RBFOX1: variants seen among roughly 807,000 people sequenced by gnomAD.
RBFOX1 encodes RNA binding fox-1 homolog 1, also known as RNA binding protein fox-1 homolog 1.
In RBFOX1, 8 loss-of-function variants were observed where a neutral mutation model predicts 57.7. The ratio of observed to expected loss-of-function variants is 0.14; its 90% CI spans 0.08 to 0.25. The LOEUF is 0.25. RBFOX1 is among the 10% of genes least tolerant of loss of function. The pLI, the probability that RBFOX1 is intolerant of heterozygous loss-of-function variation, is 1.00. For missense variants in RBFOX1, 611 were observed against 548.5 expected, an observed-to-expected ratio of 1.11 and a Z score of -1.14; for synonymous variants, 326 against 222.4, an observed-to-expected ratio of 1.47 and a Z score of -4.15.
At chr16:6,689,135 T>A (rs2059866268) in intron 3 of RBFOX1, among the ~76,000 whole-genome samples, 1 of 152,334 alleles carries the variant, frequency 6.6e-6, no homozygotes, top group East Asian at 1.9e-4. Flanking sequence ...TGATTTATAA[T>A]CCTATGGGTA....
At chr16:6,657,216 CTCCT>C (rs757605994) in intron 3 of RBFOX1, among the ~76,000 whole-genome samples, 2 of 151,582 alleles carry the variant, frequency 1.3e-5, no homozygotes, top group African/African-American at 2.4e-5. Context: ...TCCTTCCTCC[CTCCT>C]TCCTTCCTTC....
intron 3 of RBFOX1, among the ~76,000 whole-genome samples, chr16:5,769,920 A>G (rs562939643): frequency 5.1e-4 from 77 of 152,312 alleles, no homozygotes; most frequent in African/African-American, 1.6e-3. Context: ...GTTGGGGGCA[A>G]GGATACCTTG....
intron 1 of RBFOX1, among the ~76,000 whole-genome samples, chr16:5,316,611 C>A (rs1331144842): frequency 6.6e-6 from 1 of 152,208 alleles, no homozygotes; most frequent in Admixed American, 6.5e-5. Flanking sequence ...TCTGTAAAAA[C>A]TAGAATAAGA....
chr16:6,952,857 C>A (rs1043070612), intron 3 of RBFOX1, among the ~76,000 whole-genome samples: 6 of 152,042 alleles, frequency 3.9e-5, no homozygotes, highest in African/African-American at 1.4e-4. Flanking sequence ...TGCCTGTAAT[C>A]CCAGCTATTG....
At chr16:5,987,353 C>T (rs910182841) in intron 4 of RBFOX1, among the ~76,000 whole-genome samples, 3 of 152,298 alleles carry the variant, frequency 2.0e-5, no homozygotes, top group East Asian at 1.9e-4. Flanking sequence ...ATCCTCTTTC[C>T]AGGATCTTCT....
chr16:6,613,630 A>C (rs1271253817), intron 2 of RBFOX1, among the ~76,000 whole-genome samples: 28 of 152,252 alleles, frequency 1.8e-4, no homozygotes, highest in Admixed American at 1.8e-3. Flanking sequence ...TGTTTTATTC[A>C]GTAGAATAAG....
At chr16:7,063,340 C>T (rs1199107514) in intron 4 of RBFOX1, among the ~76,000 whole-genome samples, 1 of 152,212 alleles carries the variant, frequency 6.6e-6, no homozygotes, top group Non-Finnish European at 1.5e-5. Flanking sequence ...GATAAAGGAT[C>T]TGTATCAGTA....
At chr16:5,391,021 A>T (rs2066394213) in intron 1 of RBFOX1, among the ~76,000 whole-genome samples, 1 of 152,202 alleles carries the variant, frequency 6.6e-6, no homozygotes, top group Non-Finnish European at 1.5e-5. Flanking sequence ...GAGAAGCTCA[A>T]CCAACAGGGT....
At chr16:7,085,126 C>G (rs781778747) in intron 4 of RBFOX1, among the ~76,000 whole-genome samples, 1 of 151,946 alleles carries the variant, frequency 6.6e-6, no homozygotes. Flanking sequence ...TGTGTGTGTA[C>G]TTACATCTCA....
intron 1 of RBFOX1, among the ~76,000 whole-genome samples, chr16:6,309,123 A>G (rs901942925): frequency 1.3e-5 from 2 of 152,040 alleles, no homozygotes; most frequent in African/African-American, 2.4e-5. Context: ...TTTGAATTCA[A>G]TGGCCTGTCT....
At chr16:5,435,639 G>T (rs766535858) in intron 1 of RBFOX1, among the ~76,000 whole-genome samples, 13 of 152,122 alleles carry the variant, frequency 8.5e-5, no homozygotes, top group Non-Finnish European at 1.8e-4. Context: ...GTCACCATAG[G>T]TCCCATGTTT....
In RBFOX1 at chr16:6,875,439, C is replaced by G. The variant is rs143229899; in HGVS notation, c.-15-176618C>G. On this transcript the variant is annotated intron_variant, in intron 3 of 15. Transcript: ENST00000550418. ...TCATTTGCAATGTGTGGCTTCTTCC[C>G]AGGACTCACACAAGATTCGCTGAGA... is the stretch of plus-strand genomic sequence containing the variant. Among the ~76,000 whole-genome samples, 370 of 152,190 alleles carry G rather than the reference C, an allele frequency of 2.4e-3. 3 individuals carry two copies. Among genetic ancestry groups the G allele is most frequent in the African/African-American group, 8.5e-3 (354 of 41,530 alleles).
rs539860890 is a variant in RBFOX1, at chr16:7,074,117, T to G, written c.27+22019T>G. On this transcript the variant is annotated intron_variant, in intron 4 of 15. Transcript: ENST00000550418. Reference sequence around the variant, plus strand: ...CTACAATATTTGTTTTCTGTCTCTTTTAAGGAAATGTTTTGTCCACTGATT... The same window carrying G: ...CTACAATATTTGTTTTCTGTCTCTTGTAAGGAAATGTTTTGTCCACTGATT... Among the ~76,000 whole-genome samples the G allele has an allele frequency of 9.8e-5, 15 of 152,308 alleles. No homozygotes were observed. The South Asian group carries it at 2.7e-3, about 27-fold the overall frequency.
intron 1 of RBFOX1, among the ~76,000 whole-genome samples, chr16:5,421,544 AG>A (rs1411014610): frequency 6.6e-6 from 1 of 152,120 alleles, no homozygotes; most frequent in Non-Finnish European, 1.5e-5. Flanking sequence ...TGAGGAGGTA[AG>A]GGAAGCCCTG....
intron 4 of RBFOX1, among the ~76,000 whole-genome samples, chr16:7,503,264 A>G (rs775030662): frequency 3.3e-5 from 5 of 152,194 alleles, no homozygotes; most frequent in Non-Finnish European, 7.3e-5. Context: ...CGTAGTCAGC[A>G]ACGTTCACGG....
chr16:7,024,293 G>C (rs902738125), intron 3 of RBFOX1, among the ~76,000 whole-genome samples: 1 of 152,158 alleles, frequency 6.6e-6, no homozygotes, highest in African/African-American at 2.4e-5. Flanking sequence ...CTACCATGGA[G>C]AGCCTGGTTC....
intron 1 of RBFOX1, among the ~76,000 whole-genome samples, chr16:5,464,975 CAG>C (rs943524066): frequency 1.3e-5 from 2 of 152,162 alleles, no homozygotes; most frequent in African/African-American, 4.8e-5. Flanking sequence ...TGAGCTGACA[CAG>C]GGGTCTGGAG....
chr16:6,497,371 C>G (rs1473867221), intron 2 of RBFOX1, among the ~76,000 whole-genome samples: 1 of 152,126 alleles, frequency 6.6e-6, no homozygotes, highest in East Asian at 1.9e-4. Flanking sequence ...CACAGACTTT[C>G]TCTAAAAGTT....
chr16:7,276,658 C>T (rs1668395664), intron 4 of RBFOX1, among the ~76,000 whole-genome samples: 1 of 152,082 alleles, frequency 6.6e-6, no homozygotes, highest in Non-Finnish European at 1.5e-5. Flanking sequence ...GGGCAGGTTA[C>T]CTCTCCCAAC....
Sources: gnomAD v4.1 joint callset for allele counts (sites outside exome capture counted in the v4.1 genomes callset) on GRCh38, gnomAD v4.1.1 for gene constraint, MANE v1.5 for transcripts, NCBI Gene and HGNC (gene_info 2026-07-23, HGNC 2026-07-21) for gene names.